ADGRB3: variants seen among roughly 807,000 people sequenced by gnomAD.
The protein encoded by ADGRB3 is brain-specific angiogenesis inhibitor 3.
Under a neutral mutation model 193.4 loss-of-function variants are expected in ADGRB3, and 37 were observed. The observed-to-expected ratio is 0.19, with a 90% CI of 0.15 to 0.25. The LOEUF is 0.25. ADGRB3 is among the 10% of genes least tolerant of loss of function. ADGRB3 has a pLI of 1.00. For missense variants in ADGRB3, 1,637 were observed against 1,852.9 expected, an observed-to-expected ratio of 0.88 and a Z score of 2.14; for synonymous variants, 690 against 644.2, an observed-to-expected ratio of 1.07 and a Z score of -1.08.
At chr6:69,178,943 A>G (rs1775506942) in intron 17 of ADGRB3, among the ~76,000 whole-genome samples, 1 of 152,080 alleles carries the variant, frequency 6.6e-6, no homozygotes, top group Non-Finnish European at 1.5e-5. Flanking sequence ...TGTTTTATAT[A>G]GTATCTCACG....
chr6:69,344,978 G>A (rs1290753305), intron 26 of ADGRB3, among the ~76,000 whole-genome samples: 1 of 151,860 alleles, frequency 6.6e-6, no homozygotes, highest in African/African-American at 2.4e-5. Flanking sequence ...CAAATTATGT[G>A]ATCCTGGACC....
chr6:69,002,008 C>T (rs549323096), intron 11 of ADGRB3, among the ~76,000 whole-genome samples: 7 of 152,240 alleles, frequency 4.6e-5, no homozygotes, highest in South Asian at 2.1e-4. Flanking sequence ...GGTCATTACT[C>T]AACATTGGAA....
intron 3 of ADGRB3, among the ~76,000 whole-genome samples, chr6:68,760,090 G>A (rs1014260410): frequency 3.9e-5 from 6 of 152,082 alleles, no homozygotes; most frequent in African/African-American, 1.4e-4. Context: ...AAAAGCATAA[G>A]CAGATACAAG....
chr6:69,017,447 G>T (rs896074397), intron 12 of ADGRB3, among the ~76,000 whole-genome samples: 17 of 151,912 alleles, frequency 1.1e-4, no homozygotes, highest in African/African-American at 4.1e-4. Flanking sequence ...ATATAATGCA[G>T]GATGACTTTA....
At chr6:68,911,980 G>C (rs920646076) in intron 3 of ADGRB3, among the ~76,000 whole-genome samples, 2 of 151,510 alleles carry the variant, frequency 1.3e-5, no homozygotes, top group African/African-American at 4.8e-5. Context: ...GAAACTACTG[G>C]GTTTGAGAAA....
chr6:69,348,807 T>C (rs1769163141), intron 26 of ADGRB3, among the ~76,000 whole-genome samples: 1 of 152,202 alleles, frequency 6.6e-6, no homozygotes, highest in Admixed American at 6.5e-5. Flanking sequence ...TAAATAAAGG[T>C]TCAAACTGAA....
chr6:69,290,157 A>G (rs993021946), intron 20 of ADGRB3, among the ~76,000 whole-genome samples: 1 of 152,074 alleles, frequency 6.6e-6, no homozygotes, highest in African/African-American at 2.4e-5. Context: ...AGTCATCCTC[A>G]TCATTAATAT....
At chr6:68,810,845 A>G (rs1197047860) in intron 3 of ADGRB3, among the ~76,000 whole-genome samples, 1 of 152,194 alleles carries the variant, frequency 6.6e-6, no homozygotes, top group East Asian at 1.9e-4. Flanking sequence ...TTTAAAACAC[A>G]AGGCAATGGA....
intron 20 of ADGRB3, among the ~76,000 whole-genome samples, chr6:69,295,930 AT>A: frequency 6.6e-6 from 1 of 152,182 alleles, no homozygotes; most frequent in Non-Finnish European, 1.5e-5. Flanking sequence ...CCAGACTAGA[AT>A]ATGTCTATGA....
intron 18 of ADGRB3, 31 bp downstream of exon 18, chr6:69,233,447 C>A (rs1700817700): frequency 5.0e-6 from 8 of 1,612,934 alleles, no homozygotes; most frequent in Non-Finnish European, 6.8e-6. Flanking sequence ...ACGGCTTTAA[C>A]GCAAAGACAG....
intron 17 of ADGRB3, among the ~76,000 whole-genome samples, chr6:69,169,802 T>A (rs1561940937): frequency 6.6e-6 from 1 of 152,160 alleles, no homozygotes; most frequent in Non-Finnish European, 1.5e-5. Context: ...GCCCATGAAC[T>A]TTTTTCCTGG....
chr6:69,383,204 C>G (rs965182816), intron 31 of ADGRB3, among the ~76,000 whole-genome samples: 1 of 152,006 alleles, frequency 6.6e-6, no homozygotes, highest in South Asian at 2.1e-4. Context: ...TTCATCTGAT[C>G]ATTTTACTGT....
intron 3 of ADGRB3, among the ~76,000 whole-genome samples, chr6:68,765,555 C>G (rs1303187045): frequency 6.6e-6 from 1 of 151,484 alleles, no homozygotes; most frequent in Non-Finnish European, 1.5e-5. Flanking sequence ...CACACACACA[C>G]ACACACACAC....
intron 24 of ADGRB3, 95 bp downstream of exon 24, chr6:69,333,103 A>T: frequency 1.1e-6 from 1 of 892,536 alleles, no homozygotes; most frequent in Non-Finnish European, 1.5e-6. Context: ...TCTGCCTTGA[A>T]TTTTGTTATT....
chr6:69,262,158 T>A (rs1766944622), intron 20 of ADGRB3, among the ~76,000 whole-genome samples: 1 of 152,036 alleles, frequency 6.6e-6, no homozygotes, highest in Admixed American at 6.6e-5. Flanking sequence ...CAAATTCTGG[T>A]TTGTGCTATA....
intron 3 of ADGRB3, among the ~76,000 whole-genome samples, chr6:68,814,832 A>G (rs1012441321): frequency 1.3e-5 from 2 of 152,212 alleles, no homozygotes; most frequent in Non-Finnish European, 2.9e-5. Context: ...CTGTTTCAAC[A>G]TACGAAAATC....
chr6:69,176,135 T>G (rs1775414410), intron 17 of ADGRB3, among the ~76,000 whole-genome samples: 1 of 152,200 alleles, frequency 6.6e-6, no homozygotes, highest in Non-Finnish European at 1.5e-5. Flanking sequence ...TATTTTTTTC[T>G]TCTCCCTGAT....
At chr6:68,683,343 T>G (rs1764928824) in intron 3 of ADGRB3, among the ~76,000 whole-genome samples, 1 of 152,112 alleles carries the variant, frequency 6.6e-6, no homozygotes, top group Non-Finnish European at 1.5e-5. Flanking sequence ...CTGGCAATAA[T>G]TAAATTATGA....
intron 17 of ADGRB3, among the ~76,000 whole-genome samples, chr6:69,085,160 C>T (rs1288012882): frequency 5.9e-5 from 9 of 152,090 alleles, no homozygotes; most frequent in Non-Finnish European, 1.0e-4. Context: ...AGTGTCTCTA[C>T]TGTGTGAAAT....
Sources: allele counts gnomAD v4.1 joint callset (sites outside exome capture counted in the v4.1 genomes callset), GRCh38; gene constraint gnomAD v4.1.1; transcripts MANE v1.5; gene names NCBI Gene and HGNC (gene_info 2026-07-23, HGNC 2026-07-21).